The following CDC42BPA variants were observed in gnomAD, a reference collection of about 807,000 sequenced individuals.
CDC42BPA encodes serine/threonine-protein kinase MRCK alpha.
A neutral mutation model predicts 223.5 loss-of-function variants in CDC42BPA; 80 were observed. The observed-to-expected ratio is 0.36, with a 90% CI of 0.30 to 0.43. CDC42BPA has a LOEUF of 0.43. Among genes scored for constraint, CDC42BPA ranks in the 20% least tolerant of loss-of-function variants. The pLI is 1.00. For synonymous variants in CDC42BPA, 694 were observed against 718.6 expected, an observed-to-expected ratio of 0.97 and a Z score of 0.55; for missense variants, 1,743 against 2,099.9, an observed-to-expected ratio of 0.83 and a Z score of 3.32.
At chr1:227,311,274 T>TCA (rs148776096) in intron 1 of CDC42BPA, among the ~76,000 whole-genome samples, 46,657 of 151,788 alleles carry the variant, frequency 0.31, 7,323 homozygotes, top group East Asian at 0.37. Context: ...GACAGGAGGA[T>TCA]CCTGAGCCCA....
rs114569915 is a variant in CDC42BPA, at chr1:227,197,680, A to T, written c.450+1877T>A. ...TATAATTATTTCTATATTTATACCA[A>T]AATGTAGACTTTTAAGCAATGCACA... On this transcript the variant is annotated intron_variant, in intron 4 of 36. Coordinates refer to ENST00000366766, the MANE Select transcript of CDC42BPA (RefSeq NM_001394014.1). Among the ~76,000 whole-genome samples the T allele has an allele frequency of 5.5e-3, 838 of 152,234 alleles. 8 individuals carry two copies. The highest frequency in any genetic ancestry group is 0.019 in the African/African-American group (796 of 41,562).
chr1:227,267,608 A>C (rs1685217459), intron 1 of CDC42BPA, among the ~76,000 whole-genome samples: 1 of 152,210 alleles, frequency 6.6e-6, no homozygotes, highest in Admixed American at 6.5e-5. Flanking sequence ...AGACTGGGTA[A>C]TTTATAAACA....
At chr1:227,210,389 T>C (rs1395510353) in intron 3 of CDC42BPA, among the ~76,000 whole-genome samples, 2 of 152,178 alleles carry the variant, frequency 1.3e-5, no homozygotes, top group Non-Finnish European at 2.9e-5. Context: ...CTGGTCTACC[T>C]TATTCTCTCT....
chr1:227,010,100 C>T (rs182637099), intron 34 of CDC42BPA, among the ~76,000 whole-genome samples: 1 of 152,292 alleles, frequency 6.6e-6, no homozygotes, highest in Non-Finnish European at 1.5e-5. Context: ...GCATACACCA[C>T]TTGATGGACA....
In CDC42BPA at chr1:227,132,701, A is replaced by G. The variant is rs1166124200; in HGVS notation, c.1391-3470T>C. Among the ~76,000 whole-genome samples, 28 of 144,574 alleles carry G rather than the reference A, an allele frequency of 1.9e-4. 1 individual carries two copies. The highest frequency in any genetic ancestry group is 9.0e-5 in the Non-Finnish European group (6 of 66,436). The allele number at this position is 144,574 out of a possible 152,430, so 94.8% of individuals were successfully genotyped here. On this transcript the variant is annotated intron_variant, in intron 10 of 36. Transcript: ENST00000366766. ...AGGAAGTGAGGAGCGCCTCTTCCCC[A>G]CCACCATCCCATCTAGGAAGTGAGG...
At position 227,006,733 on chromosome 1, in the gene CDC42BPA, G is replaced by A. The variant is rs375227946; in HGVS notation, c.4858-1622C>T. ...GGGCAGATCACGAGGTCAGGAATTC[G>A]AGACCAGCCTGGCTAATATGGTGAA... is the stretch of plus-strand genomic sequence containing the variant. On this transcript the variant is annotated intron_variant, in intron 34 of 36. Transcript: ENST00000366766. Among the ~76,000 whole-genome samples the A allele has an allele frequency of 1.8e-4, 28 of 152,180 alleles. No homozygotes were observed. The South Asian group carries it at 2.9e-3, about 16-fold the overall frequency.
chr1:227,126,656 G>C (rs992963453), intron 11 of CDC42BPA, among the ~76,000 whole-genome samples: 1 of 152,126 alleles, frequency 6.6e-6, no homozygotes, highest in Non-Finnish European at 1.5e-5. Flanking sequence ...CATGACCATG[G>C]TTTACAACAG....
intron 5 of CDC42BPA, 101 bp downstream of exon 5, chr1:227,193,685 T>C (rs969188216): frequency 1.0e-6 from 1 of 962,486 alleles, no homozygotes; most frequent in Non-Finnish European, 1.5e-6. Context: ...TGACGATAAA[T>C]GTATCCAAGA....
chr1:227,204,639 A>G (rs1010560330), intron 3 of CDC42BPA, among the ~76,000 whole-genome samples: 3 of 152,134 alleles, frequency 2.0e-5, no homozygotes, highest in Non-Finnish European at 2.9e-5. Flanking sequence ...GCCCACACCA[A>G]TATCTCTAAC....
chr1:227,058,301 T>C (rs1182868209), intron 21 of CDC42BPA, among the ~76,000 whole-genome samples: 1 of 152,136 alleles, frequency 6.6e-6, no homozygotes, highest in Non-Finnish European at 1.5e-5. Flanking sequence ...TCATGTTTAT[T>C]TTACAACCAA....
intron 34 of CDC42BPA, chr1:227,010,929 A>G (rs1665058668): frequency 7.3e-7 from 1 of 1,365,290 alleles, no homozygotes; most frequent in Admixed American, 1.9e-5. Context: ...GAGACGGGGA[A>G]TATTCAGGGT....
intron 35 of CDC42BPA, chr1:227,004,754 T>C: frequency 1.7e-6 from 1 of 574,900 alleles, no homozygotes; most frequent in African/African-American, 1.9e-5. Context: ...CATCACAATT[T>C]GTAATCATAT....
intron 2 of CDC42BPA, among the ~76,000 whole-genome samples, chr1:227,232,049 G>A (rs184061837): frequency 9.9e-5 from 15 of 152,270 alleles, no homozygotes; most frequent in African/African-American, 3.6e-4. Context: ...TAGTCATGAA[G>A]TCCTTGCCCA....
chr1:227,196,234 C>T (rs1203108617), intron 4 of CDC42BPA, among the ~76,000 whole-genome samples: 1 of 151,614 alleles, frequency 6.6e-6, no homozygotes, highest in East Asian at 1.9e-4. Context: ...TATCAGGAAA[C>T]TCTTTTAATT....
chr1:227,170,029 C>T (rs1176077228), intron 5 of CDC42BPA, among the ~76,000 whole-genome samples: 3 of 152,192 alleles, frequency 2.0e-5, no homozygotes, highest in Admixed American at 1.3e-4. Flanking sequence ...TCTCACTCCA[C>T]ATTTTCATCT....
chr1:227,061,007 C>A (rs1675812277), intron 21 of CDC42BPA, among the ~76,000 whole-genome samples: 1 of 152,028 alleles, frequency 6.6e-6, no homozygotes, highest in Non-Finnish European at 1.5e-5. Context: ...AGGTGTGAAC[C>A]ACCGCGCCTG....
chr1:227,035,332 T>C, intron 25 of CDC42BPA, 139 bp downstream of exon 25: 1 of 636,624 alleles, frequency 1.6e-6, no homozygotes, highest in Non-Finnish European at 2.6e-6. Flanking sequence ...ATCATTATTC[T>C]AGATGAAATA....
At chr1:227,284,261 ATT>A (rs1026050259) in intron 1 of CDC42BPA, among the ~76,000 whole-genome samples, 1 of 152,140 alleles carries the variant, frequency 6.6e-6, no homozygotes, top group African/African-American at 2.4e-5. Context: ...TAATGATTTA[ATT>A]TTTTATATTT....
intron 1 of CDC42BPA, among the ~76,000 whole-genome samples, chr1:227,256,065 C>A (rs1213172024): frequency 6.6e-6 from 1 of 151,958 alleles, no homozygotes. Flanking sequence ...TCCTACAAGT[C>A]AACAACAAAA....
Sources: gnomAD v4.1 joint callset for allele counts (sites outside exome capture counted in the v4.1 genomes callset) on GRCh38, gnomAD v4.1.1 for gene constraint, MANE v1.5 for transcripts, NCBI Gene and HGNC (gene_info 2026-07-23, HGNC 2026-07-21) for gene names.